Variants in DENND11 observed in about 807,000 individuals in gnomAD.
DENND11 encodes DENN domain-containing protein 11.
DENND11 carries 34 observed loss-of-function variants against 49.2 expected under a neutral mutation model. The observed-to-expected ratio is 0.69, with a 90% CI of 0.53 to 0.92. The LOEUF (loss-of-function observed/expected upper bound fraction) is 0.92. Ranked by LOEUF, DENND11 falls within the 40% of genes least tolerant of loss-of-function variation. The pLI is 0.00. For synonymous variants in DENND11, 238 were observed against 230.3 expected, an observed-to-expected ratio of 1.03 and a Z score of -0.30; for missense variants, 475 against 581.6, an observed-to-expected ratio of 0.82 and a Z score of 1.88.
At chr7:141,690,979 TA>T (rs71172618) in intron 1 of DENND11, among the ~76,000 whole-genome samples, 53 of 148,134 alleles carry the variant, frequency 3.6e-4, no homozygotes, top group Admixed American at 1.7e-3. Flanking sequence ...AGGCACTTTT[TA>T]AAAAAAAAAA....
At chr7:141,674,857 C>T (rs1238933048) in intron 3 of DENND11, among the ~76,000 whole-genome samples, 1 of 152,168 alleles carries the variant, frequency 6.6e-6, no homozygotes, top group Non-Finnish European at 1.5e-5. Context: ...TGCTGGCCAA[C>T]CCCAGACCCC....
Position 141,665,317 on chromosome 7 carries a change from C to T in DENND11, c.822G>A (p.Val274=), listed in dbSNP as rs1797876468. ...PPPVGVVCYR[V]YCCCCLANVS... ...CGTTGGCCAAGCAGCAGCAGCAGTA[C>T]ACTGTGGGGATAGAGGAGGTGAGCG... The change falls in exon 6 of 9, where the codon GTG becomes GTA. Residue 274 remains valine, a splice_region_variant and synonymous_variant. Transcript: ENST00000536163. The T allele has an allele frequency of 6.2e-7, 1 of 1,613,888 alleles. No individual in the cohort carries two copies. Among genetic ancestry groups the T allele is most frequent in the Non-Finnish European group, 8.5e-7 (1 of 1,179,862 alleles).
intron 1 of DENND11, among the ~76,000 whole-genome samples, chr7:141,687,279 T>A (rs1458229819): frequency 1.3e-5 from 2 of 152,184 alleles, no homozygotes; most frequent in Non-Finnish European, 2.9e-5. Flanking sequence ...CAATGATATT[T>A]GCTTCCAGAA....
chr7:141,679,707 TAAAAA>T (rs5888011), intron 3 of DENND11, among the ~76,000 whole-genome samples: 7 of 116,652 alleles, frequency 6.0e-5, no homozygotes, highest in Non-Finnish European at 1.3e-4. Context: ...AGCGAAACTT[TAAAAA>T]AAAAAAAAAA....
At chr7:141,695,072 T>C (rs1798390958) in intron 1 of DENND11, among the ~76,000 whole-genome samples, 1 of 152,228 alleles carries the variant, frequency 6.6e-6, no homozygotes, top group South Asian at 2.1e-4. Flanking sequence ...CCTATAGTTT[T>C]TGGTAGGTTC....
chr7:141,667,868 C>T (rs981367974), intron 4 of DENND11, among the ~76,000 whole-genome samples: 15 of 152,156 alleles, frequency 9.9e-5, no homozygotes, highest in African/African-American at 2.7e-4. Flanking sequence ...AGGATAAAGG[C>T]GACCCTGAAC....
At chr7:141,684,249 T>C (rs939227016) in intron 3 of DENND11, among the ~76,000 whole-genome samples, 2 of 152,250 alleles carry the variant, frequency 1.3e-5, no homozygotes, top group African/African-American at 4.8e-5. Flanking sequence ...TTTTAATGTT[T>C]ATATATTGTT....
chr7:141,677,630 C>G (rs1798084603), intron 3 of DENND11, among the ~76,000 whole-genome samples: 1 of 151,384 alleles, frequency 6.6e-6, no homozygotes, highest in Non-Finnish European at 1.5e-5. Flanking sequence ...TACTGTGACA[C>G]CACCTTCTGA....
intron 3 of DENND11, among the ~76,000 whole-genome samples, chr7:141,683,712 A>G (rs570920157): frequency 6.6e-6 from 1 of 152,318 alleles, no homozygotes; most frequent in African/African-American, 2.4e-5. Flanking sequence ...ACAGACAAAG[A>G]CAGACTCTAT....
At chr7:141,677,758 C>T (rs1798087574) in intron 3 of DENND11, among the ~76,000 whole-genome samples, 1 of 151,620 alleles carries the variant, frequency 6.6e-6, no homozygotes, top group South Asian at 2.1e-4. Context: ...CATTTACTCA[C>T]AAGGATGCTG....
rs752802339 is a variant in DENND11 at position 141,665,186 on chromosome 7, C to G, written c.952+1G>C. On this transcript the variant is annotated splice_donor_variant, in intron 6 of 8. Coordinates refer to ENST00000536163, the MANE Select transcript of DENND11 (RefSeq NM_001080392.2). LOFTEE classifies it high-confidence loss of function. ...AGATGAGGGGAGGGCCCCGTACTCA[C>G]AGGCCACATAGGACACCTCTACCTC... 6.2e-7 allele frequency: 1 copy of G among 1,612,936 alleles called. No homozygotes were observed. Among genetic ancestry groups the G allele is most frequent in the African/African-American group, 1.3e-5 (1 of 75,032 alleles).
At chr7:141,686,821 G>C (rs1269394891) in intron 1 of DENND11, among the ~76,000 whole-genome samples, 163 bp from the exon 2 acceptor site, 1 of 152,150 alleles carries the variant, frequency 6.6e-6, no homozygotes, top group Non-Finnish European at 1.5e-5. Context: ...CACTGGCAGG[G>C]GTGACGCCGG....
chr7:141,671,361 G>T (rs1392222686), intron 4 of DENND11, among the ~76,000 whole-genome samples: 2 of 152,192 alleles, frequency 1.3e-5, no homozygotes, highest in Non-Finnish European at 2.9e-5. Context: ...ATTTTTAGTA[G>T]AGATGGGGTT....
At chr7:141,674,667 T>C (rs1798038022) in intron 3 of DENND11, among the ~76,000 whole-genome samples, 1 of 152,204 alleles carries the variant, frequency 6.6e-6, no homozygotes, top group Non-Finnish European at 1.5e-5. Context: ...TGCTTTGTTG[T>C]TATGGAAGAA....
At chr7:141,668,353 G>A (rs1010347738) in intron 4 of DENND11, among the ~76,000 whole-genome samples, 2 of 152,130 alleles carry the variant, frequency 1.3e-5, no homozygotes, top group African/African-American at 2.4e-5. Flanking sequence ...TTGGGAGGCC[G>A]AGGTGGGTGG....
At chr7:141,663,111 C>T in intron 8 of DENND11, 2 of 358,616 alleles carry the variant, frequency 5.6e-6, no homozygotes, top group Non-Finnish European at 9.9e-6. Flanking sequence ...ATCCATTTTC[C>T]TGTTGAGGGA....
chr7:141,677,336 G>A lies in DENND11; in HGVS notation c.528-3116C>T, dbSNP rs184835994. On this transcript the variant is annotated intron_variant, in intron 3 of 8. Transcript: ENST00000536163. ...CAGGAGGCGGAGGTTGCAGTGAACC[G>A]AGAGAGATCACGCCATTGCATCCAG... 1.3e-4 allele frequency among the ~76,000 whole-genome samples: 19 copies of A among 149,438 alleles called. No individual in the cohort carries two copies. The East Asian group carries it at 2.8e-3, about 22-fold the overall frequency.
At chr7:141,663,896 G>A (rs1797844522) in intron 8 of DENND11, 1 of 415,876 alleles carries the variant, frequency 2.4e-6, no homozygotes. Context: ...GAGCTTCCAG[G>A]CAGTGGACAT....
chr7:141,657,471 T>G lies in DENND11; in HGVS notation c.*5185A>C, dbSNP rs1286011870. On this transcript the variant is annotated 3_prime_UTR_variant, in exon 9 of 9. Coordinates refer to ENST00000536163, the MANE Select transcript of DENND11 (RefSeq NM_001080392.2). ...GTTTTCACTCTAATGTCAATATATT[T>G]GCAACCATCCAACTCAAAGACCTCT... The G allele has an allele frequency of 2.0e-5, 3 of 152,284 alleles. No homozygotes were observed. The allele number at this position is 152,284 out of a possible 1,614,324, so 9.4% of individuals were successfully genotyped here. A position where few individuals can be genotyped will look rare whatever the true frequency, so the allele number is the denominator to read the frequency against.
Sources: gnomAD v4.1 joint callset for allele counts (sites outside exome capture counted in the v4.1 genomes callset) on GRCh38, gnomAD v4.1.1 for gene constraint, MANE v1.5 for transcripts, NCBI Gene and HGNC (gene_info 2026-07-23, HGNC 2026-07-21) for gene names.